Variants in SOX6 observed in about 807,000 individuals in gnomAD.
The protein encoded by SOX6 is SRY-box transcription factor 6, also known as transcription factor SOX-6.
In SOX6, 11 loss-of-function variants were observed where a neutral mutation model predicts 97.8. That is an observed-to-expected ratio of 0.11 (90% CI 0.07 to 0.19). The LOEUF (loss-of-function observed/expected upper bound fraction) is 0.19, where lower values mean the gene tolerates loss of function less well. SOX6 is among the 10% of genes least tolerant of loss of function. The pLI is 1.00. For missense variants in SOX6, 810 were observed against 1,039.5 expected (o/e 0.78, Z 3.04); for synonymous variants, 360 against 371.4 (o/e 0.97, Z 0.35).
chr11:16,090,630 T>C (rs1199221941), intron 9 of SOX6, among the ~76,000 whole-genome samples: 1 of 151,680 alleles, frequency 6.6e-6, no homozygotes, highest in Non-Finnish European at 1.5e-5. Flanking sequence ...AACCAAATAT[T>C]TTCCGGAAAA....
intron 6 of SOX6, among the ~76,000 whole-genome samples, chr11:16,132,402 A>AAAGAAAGAAAG (rs1564972351): frequency 3.0e-5 from 1 of 33,382 alleles, no homozygotes; most frequent in Non-Finnish European, 5.3e-5. Flanking sequence ...AAGAAAGAAA[A>AAAGAAAGAAAG]AAGAAAGAAA....
intron 12 of SOX6, among the ~76,000 whole-genome samples, chr11:16,029,346 G>A (rs951054440): frequency 3.3e-5 from 5 of 152,160 alleles, no homozygotes; most frequent in African/African-American, 7.2e-5. Context: ...CCTAAAGATT[G>A]TCTAATGAGG....
At chr11:16,574,300 A>G (rs1329378332) in intron 4 of SOX6, among the ~76,000 whole-genome samples, 2 of 152,180 alleles carry the variant, frequency 1.3e-5, no homozygotes, top group Admixed American at 6.5e-5. Context: ...CAAACACATC[A>G]AAAGAACGTA....
intron 9 of SOX6, among the ~76,000 whole-genome samples, chr11:16,093,639 A>T (rs1848736919): frequency 6.6e-6 from 1 of 151,896 alleles, no homozygotes; most frequent in Admixed American, 6.6e-5. Flanking sequence ...TTCCCTCCTA[A>T]GAATCTCTGT....
intron 7 of SOX6, among the ~76,000 whole-genome samples, chr11:16,103,265 T>TA (rs1012812379): frequency 1.9e-3 from 294 of 151,202 alleles, no homozygotes; most frequent in African/African-American, 6.8e-3. Flanking sequence ...AATGATCATA[T>TA]AAAAAAAAGC....
chr11:16,336,443 TG>T (rs1198136993), intron 2 of SOX6, among the ~76,000 whole-genome samples: 1 of 152,168 alleles, frequency 6.6e-6, no homozygotes, highest in Admixed American at 6.5e-5. Context: ...GTGTAAATTT[TG>T]TCTTCTTCAG....
At chr11:16,191,281 C>T (rs569852329) in intron 4 of SOX6, among the ~76,000 whole-genome samples, 1 of 152,094 alleles carries the variant, frequency 6.6e-6, no homozygotes, top group Non-Finnish European at 1.5e-5. Context: ...ATAGTAAGAA[C>T]CTGTCTCTCC....
At chr11:16,281,057 G>C (rs956320545) in intron 3 of SOX6, among the ~76,000 whole-genome samples, 3 of 152,048 alleles carry the variant, frequency 2.0e-5, no homozygotes, top group African/African-American at 7.2e-5. Context: ...ACAGTAGAAA[G>C]AGGATAAACT....
intron 1 of SOX6, among the ~76,000 whole-genome samples, chr11:16,392,119 G>A (rs562550825): frequency 1.1e-4 from 16 of 152,178 alleles, no homozygotes; most frequent in African/African-American, 3.1e-4. Context: ...TGTAAAAGGG[G>A]ACACTGTTAC....
At chr11:16,043,625 G>A (rs1855741506) in intron 12 of SOX6, among the ~76,000 whole-genome samples, 1 of 152,170 alleles carries the variant, frequency 6.6e-6, no homozygotes, top group Non-Finnish European at 1.5e-5. Flanking sequence ...CCCTATGCCT[G>A]TTAGTAAGTG....
At chr11:16,308,116 A>G (rs890889274) in intron 3 of SOX6, among the ~76,000 whole-genome samples, 2 of 152,214 alleles carry the variant, frequency 1.3e-5, no homozygotes, top group Non-Finnish European at 2.9e-5. Context: ...GCTTCACTGG[A>G]CAATGACAGT....
intron 4 of SOX6, among the ~76,000 whole-genome samples, chr11:16,530,837 T>C (rs780821933): frequency 6.6e-6 from 1 of 151,596 alleles, no homozygotes; most frequent in East Asian, 1.9e-4. Flanking sequence ...ACAACACGGA[T>C]AGCCTGACTT....
rs1273745314 is a variant in SOX6, at chr11:16,605,376, G to A, written n.609+6705C>T. On this transcript the variant is annotated intron_variant and non_coding_transcript_variant, in intron 4 of 5. Coordinates refer to the SOX6 transcript ENST00000524520. This position sits in a 1 kb window ranked among gnomAD's most constrained non-coding sequence, Gnocchi z 5.3. ...CCACTGCCCTCGCGGCCAGGGTAAAGAGGACCACAGATCAGTCAGCCTTGG... is the reference window on the plus strand; with the variant it reads ...CCACTGCCCTCGCGGCCAGGGTAAAAAGGACCACAGATCAGTCAGCCTTGG... Among the ~76,000 whole-genome samples, 1 of 152,198 alleles carries A rather than the reference G, an allele frequency of 6.6e-6. No homozygotes were observed. The highest frequency in any genetic ancestry group is 1.9e-4 in the East Asian group (1 of 5,160).
chr11:16,025,763 G>A (rs188506724), intron 12 of SOX6, among the ~76,000 whole-genome samples: 2 of 152,180 alleles, frequency 1.3e-5, no homozygotes, highest in East Asian at 3.9e-4. Flanking sequence ...CACAAAAAGT[G>A]GGAAAATGTA....
At chr11:16,003,586 T>C (rs937156702) in intron 13 of SOX6, among the ~76,000 whole-genome samples, 18 of 152,072 alleles carry the variant, frequency 1.2e-4, no homozygotes, top group African/African-American at 4.3e-4. Flanking sequence ...CAGGGTCTAG[T>C]AGCCAGGATG....
chr11:16,613,959 G>A lies in SOX6; in HGVS notation n.430-1699C>T, dbSNP rs946802181. ...CAAAGGGAGGGCGCCCTGCGGGCGG[G>A]CGGGCCACGCTAGGCGCCGTCTGCC... On this transcript the variant is annotated intron_variant and non_coding_transcript_variant, in intron 3 of 5. Coordinates refer to the SOX6 transcript ENST00000524520. This position sits in a 1 kb window ranked among gnomAD's most constrained non-coding sequence, Gnocchi z 4.6. Among the ~76,000 whole-genome samples the A allele has an allele frequency of 1.3e-5, 2 of 152,200 alleles. No homozygotes were observed. Among genetic ancestry groups the A allele is most frequent in the Non-Finnish European group, 2.9e-5 (2 of 68,048 alleles).
chr11:16,457,405 T>C (rs968971507), intron 1 of SOX6, among the ~76,000 whole-genome samples: 1 of 152,124 alleles, frequency 6.6e-6, no homozygotes, highest in African/African-American at 2.4e-5. Flanking sequence ...CACAAAGTCC[T>C]TCTTGAAGCA....
At chr11:16,685,751 C>A (rs1847964248) in intron 3 of SOX6, among the ~76,000 whole-genome samples, 1 of 152,276 alleles carries the variant, frequency 6.6e-6, no homozygotes, top group Non-Finnish European at 1.5e-5. Context: ...CTCCGCTAGG[C>A]AATGCCCCAG....
At chr11:16,652,688 T>C (rs1320261810) in intron 3 of SOX6, among the ~76,000 whole-genome samples, 2 of 152,112 alleles carry the variant, frequency 1.3e-5, no homozygotes, top group East Asian at 1.9e-4. Context: ...AAAACTCTTC[T>C]AGACATTGAC....
Sources: allele counts gnomAD v4.1 joint callset (sites outside exome capture counted in the v4.1 genomes callset), GRCh38; gene constraint gnomAD v4.1.1; non-coding constraint Gnocchi (gnomAD v3.1); transcripts MANE v1.5; gene names NCBI Gene and HGNC (gene_info 2026-07-23, HGNC 2026-07-21).